ADCY2: variants seen among roughly 807,000 people sequenced by gnomAD.
ADCY2 encodes the protein adenylate cyclase 2, also known as adenylate cyclase type 2.
A neutral mutation model predicts 125.2 loss-of-function variants in ADCY2; 31 were observed. That is an observed-to-expected ratio of 0.25 (90% confidence interval 0.19 to 0.33). The LOEUF (loss-of-function observed/expected upper bound fraction) is 0.33, where lower values mean the gene tolerates loss of function less well. Ranked by LOEUF, ADCY2 falls within the 10% of genes least tolerant of loss-of-function variation. ADCY2 has a pLI of 1.00. For missense variants in ADCY2, 904 were observed against 1,418.2 expected, an observed-to-expected ratio of 0.64 and a Z score of 5.82; for synonymous variants, 512 against 548.4, an observed-to-expected ratio of 0.93 and a Z score of 0.93.
chr5:7,405,176 C>T (rs971414083), intron 1 of ADCY2, among the ~76,000 whole-genome samples: 1 of 152,106 alleles, frequency 6.6e-6, no homozygotes, highest in South Asian at 2.1e-4. Context: ...ATTGTCCCCA[C>T]GTGTGGAAAA....
chr5:7,626,809 A>C (rs1290075155), intron 4 of ADCY2, among the ~76,000 whole-genome samples: 1 of 152,174 alleles, frequency 6.6e-6, no homozygotes, highest in Non-Finnish European at 1.5e-5. Flanking sequence ...AACACCTCCC[A>C]CCAGGCCTCA....
chr5:7,592,467 C>A (rs1409599498), intron 3 of ADCY2, among the ~76,000 whole-genome samples: 1 of 151,932 alleles, frequency 6.6e-6, no homozygotes, highest in African/African-American at 2.4e-5. Flanking sequence ...GGAGACATGG[C>A]AATGGAGACT....
At chr5:7,401,442 G>A (rs748865033) in intron 1 of ADCY2, among the ~76,000 whole-genome samples, 3 of 152,110 alleles carry the variant, frequency 2.0e-5, no homozygotes, top group Non-Finnish European at 2.9e-5. Context: ...TCCCAGCGCT[G>A]GTCTTGGAAA....
intron 4 of ADCY2, among the ~76,000 whole-genome samples, chr5:7,648,925 G>A (rs1738992807): frequency 6.6e-6 from 1 of 152,086 alleles, no homozygotes; most frequent in Admixed American, 6.6e-5. Context: ...AGAACTTAGT[G>A]GACATAAAAC....
chr5:7,766,699 G>A lies in ADCY2; in HGVS notation c.2107G>A (p.Asp703Asn). Residue 703 changes from aspartate to asparagine, a missense_variant, in exon 17 of 25, where the codon GAC becomes AAC. Physicochemically the swap from Asp to Asn is conservative, Grantham distance 23. Around this residue, in one of 7 missense-constraint regions of ADCY2, gnomAD observed 221 missense variants for 246.2 expected, o/e 0.90. Coordinates refer to ENST00000338316, the MANE Select transcript of ADCY2 (RefSeq NM_020546.3). The part of the protein sequence containing the change: ...MAVFNMFFLS[D>N]SEETIPPTAN... ...CTTCTCTTTGCAGTTTTTCCTGAGT[G>A]ACTCAGAGGAAACAATCCCTCCAAC... is the stretch of plus-strand genomic sequence containing the variant. 6.2e-7 allele frequency: 1 copy of A among 1,609,462 alleles called. No homozygotes were observed. The highest frequency in any genetic ancestry group is 8.5e-7 in the Non-Finnish European group (1 of 1,178,776).
intron 2 of ADCY2, among the ~76,000 whole-genome samples, chr5:7,488,623 T>C (rs1743033960): frequency 6.6e-6 from 1 of 152,166 alleles, no homozygotes; most frequent in African/African-American, 2.4e-5. Context: ...TGTCTGCTCA[T>C]TTTTTAGGGG....
intron 3 of ADCY2, among the ~76,000 whole-genome samples, chr5:7,569,768 G>A (rs545812080): frequency 3.7e-4 from 56 of 152,108 alleles, no homozygotes; most frequent in Admixed American, 7.2e-4. Flanking sequence ...GCTTAAGAGA[G>A]ACAGAAAGAT....
At chr5:7,677,303 A>T (rs1388037549) in intron 4 of ADCY2, among the ~76,000 whole-genome samples, 4 of 152,098 alleles carry the variant, frequency 2.6e-5, no homozygotes, top group Non-Finnish European at 2.9e-5. Flanking sequence ...AAACAAACAA[A>T]AAAAAAGAAA....
intron 2 of ADCY2, among the ~76,000 whole-genome samples, chr5:7,494,314 C>T (rs1027581989): frequency 6.6e-6 from 1 of 152,132 alleles, no homozygotes; most frequent in Admixed American, 6.5e-5. Context: ...TGCTTGGAAC[C>T]CTTCTGTAGC....
chr5:7,488,258 A>C (rs1246168200), intron 2 of ADCY2, among the ~76,000 whole-genome samples: 1 of 152,116 alleles, frequency 6.6e-6, no homozygotes, highest in South Asian at 2.1e-4. Flanking sequence ...GCCGGCCACC[A>C]TGTAAGACAC....
intron 3 of ADCY2, among the ~76,000 whole-genome samples, chr5:7,585,041 A>T (rs547982947): frequency 6.6e-6 from 1 of 152,316 alleles, no homozygotes; most frequent in Non-Finnish European, 1.5e-5. Flanking sequence ...GAAAAAGTAT[A>T]TTACAGGGGG....
intron 3 of ADCY2, among the ~76,000 whole-genome samples, chr5:7,612,777 G>A (rs1737609438): frequency 6.6e-6 from 1 of 152,184 alleles, no homozygotes; most frequent in Non-Finnish European, 1.5e-5. Context: ...AGCACTTTGG[G>A]AGGCCGAGGC....
intron 18 of ADCY2, among the ~76,000 whole-genome samples, chr5:7,777,653 A>T (rs1336232143): frequency 1.3e-5 from 2 of 152,244 alleles, no homozygotes; most frequent in Non-Finnish European, 2.9e-5. Context: ...TGACTTCGTC[A>T]TGGCTCCTAT....
chr5:7,801,082 T>A (rs910004850), intron 20 of ADCY2: 2 of 152,218 alleles, frequency 1.3e-5, no homozygotes, highest in African/African-American at 4.8e-5. Flanking sequence ...TTCTCAAAAC[T>A]GTTGTGGCCT....
intron 2 of ADCY2, among the ~76,000 whole-genome samples, chr5:7,461,067 C>T (rs1320115929): frequency 6.6e-6 from 1 of 152,136 alleles, no homozygotes; most frequent in Non-Finnish European, 1.5e-5. Flanking sequence ...CCTTGCTGTC[C>T]ACTGCCCCCA....
intron 15 of ADCY2, among the ~76,000 whole-genome samples, chr5:7,747,129 C>T (rs1742649915): frequency 6.6e-6 from 1 of 152,208 alleles, no homozygotes; most frequent in Non-Finnish European, 1.5e-5. Flanking sequence ...TCGGCCCCTT[C>T]ACTCCCACCC....
intron 2 of ADCY2, among the ~76,000 whole-genome samples, chr5:7,512,739 G>A (rs1744114417): frequency 6.6e-6 from 1 of 152,102 alleles, no homozygotes; most frequent in African/African-American, 2.4e-5. Context: ...TTAGGAGTTC[G>A]ACCTTAGAGC....
At chr5:7,731,936 T>C (rs577164145) in intron 14 of ADCY2, among the ~76,000 whole-genome samples, 1 of 152,284 alleles carries the variant, frequency 6.6e-6, no homozygotes, top group Non-Finnish European at 1.5e-5. Flanking sequence ...TTCCTTAGGG[T>C]TGATAAATAT....
At chr5:7,591,950 T>G (rs1367009937) in intron 3 of ADCY2, among the ~76,000 whole-genome samples, 6 of 152,252 alleles carry the variant, frequency 3.9e-5, no homozygotes, top group Admixed American at 3.9e-4. Flanking sequence ...TCCATAGCAT[T>G]GTTTTCCTTT....
Sources: allele counts gnomAD v4.1 joint callset (sites outside exome capture counted in the v4.1 genomes callset), GRCh38; gene constraint gnomAD v4.1.1; regional missense constraint gnomAD v4.1.1; transcripts MANE v1.5; gene names NCBI Gene and HGNC (gene_info 2026-07-23, HGNC 2026-07-21).